The following DLGAP1 variants were observed in gnomAD, a reference collection of about 807,000 sequenced individuals.
The protein encoded by DLGAP1 is DLG associated protein 1.
A neutral mutation model predicts 90.8 loss-of-function variants in DLGAP1; 11 were observed. The observed-to-expected ratio is 0.12, with a 90% CI of 0.08 to 0.20. DLGAP1 has a LOEUF of 0.20. Ranked by LOEUF, DLGAP1 falls within the 10% of genes least tolerant of loss-of-function variation. DLGAP1 has a pLI of 1.00. For synonymous variants in DLGAP1, 558 were observed against 540.7 expected (o/e 1.03, Z -0.44); for missense variants, 1,050 against 1,333.8 (o/e 0.79, Z 3.31).
intron 3 of DLGAP1, 61 bp from the exon 4 acceptor site, chr18:3,880,201 C>G (rs980046829): frequency 2.5e-6 from 2 of 805,816 alleles, no homozygotes; most frequent in Middle Eastern, 3.6e-4. Flanking sequence ...AGGTATTGCA[C>G]TTTACAGGGT....
chr18:4,393,796 A>C (rs982042472), intron 1 of DLGAP1, among the ~76,000 whole-genome samples: 1 of 152,194 alleles, frequency 6.6e-6, no homozygotes, highest in Non-Finnish European at 1.5e-5. Flanking sequence ...TTCTGGGATG[A>C]AACTGTTCCA....
At chr18:3,863,781 G>A (rs9807545) in intron 4 of DLGAP1, among the ~76,000 whole-genome samples, 123,478 of 152,168 alleles carry the variant, frequency 0.81, 51,843 homozygotes, top group East Asian at 0.95. Flanking sequence ...GGCTGGGCTC[G>A]GGAGCCTGCA....
At chr18:4,072,707 T>C (rs2075467613) in intron 2 of DLGAP1, among the ~76,000 whole-genome samples, 2 of 152,158 alleles carry the variant, frequency 1.3e-5, no homozygotes, top group Admixed American at 1.3e-4. Flanking sequence ...TGACCTCAAG[T>C]GATCCACCCA....
At chr18:3,538,760 G>A (rs796526171) in intron 9 of DLGAP1, among the ~76,000 whole-genome samples, 2 of 152,284 alleles carry the variant, frequency 1.3e-5, no homozygotes, top group African/African-American at 4.8e-5. Context: ...GTCCCTCATT[G>A]TTTTCAATCA....
chr18:3,688,200 C>T (rs1598354588), intron 7 of DLGAP1, among the ~76,000 whole-genome samples: 2 of 151,996 alleles, frequency 1.3e-5, no homozygotes, highest in South Asian at 2.1e-4. Context: ...TGTGAGCCAC[C>T]GCACCCGGCC....
intron 1 of DLGAP1, among the ~76,000 whole-genome samples, chr18:4,352,925 C>T (rs2081431235): frequency 6.6e-6 from 1 of 152,112 alleles, no homozygotes. Context: ...CTGGAGCCCT[C>T]GGTGAGTATG....
At chr18:4,174,474 A>G (rs1407399403) in intron 1 of DLGAP1, among the ~76,000 whole-genome samples, 1 of 151,936 alleles carries the variant, frequency 6.6e-6, no homozygotes, top group Admixed American at 6.6e-5. Flanking sequence ...AGCTGGGATT[A>G]CAGGCGCCCA....
intron 3 of DLGAP1, among the ~76,000 whole-genome samples, chr18:3,992,241 G>C (rs1026316717): frequency 2.0e-5 from 3 of 152,170 alleles, no homozygotes; most frequent in Admixed American, 6.5e-5. Flanking sequence ...CCTTGGCCAG[G>C]CCACTACTTT....
chr18:4,412,033 G>A (rs1439259180), intron 1 of DLGAP1, among the ~76,000 whole-genome samples: 1 of 152,098 alleles, frequency 6.6e-6, no homozygotes, highest in African/African-American at 2.4e-5. Flanking sequence ...AGGGAAGGAC[G>A]TCCTTATCTT....
At chr18:3,830,958 T>C (rs2067999561) in intron 4 of DLGAP1, among the ~76,000 whole-genome samples, 1 of 152,208 alleles carries the variant, frequency 6.6e-6, no homozygotes, top group Non-Finnish European at 1.5e-5. Flanking sequence ...TTTATTCAAC[T>C]GAGAAATAAA....
intron 3 of DLGAP1, among the ~76,000 whole-genome samples, chr18:3,949,895 CATG>C (rs994998046): frequency 2.6e-5 from 4 of 152,176 alleles, no homozygotes; most frequent in South Asian, 2.1e-4. Context: ...TTTTAGTCCA[CATG>C]ATATTTTGTT....
At chr18:4,071,202 T>C (rs946960414) in intron 2 of DLGAP1, among the ~76,000 whole-genome samples, 1 of 150,832 alleles carries the variant, frequency 6.6e-6, no homozygotes, top group Non-Finnish European at 1.5e-5. Context: ...TGGGAAAATA[T>C]AAATTTAAAA....
At chr18:4,381,985 T>C (rs1399203326) in intron 1 of DLGAP1, among the ~76,000 whole-genome samples, 1 of 152,100 alleles carries the variant, frequency 6.6e-6, no homozygotes, top group African/African-American at 2.4e-5. Context: ...AAACTTCTTA[T>C]AAAACCGTGA....
At chr18:3,971,489 G>A (rs1191368670) in intron 3 of DLGAP1, among the ~76,000 whole-genome samples, 2 of 152,108 alleles carry the variant, frequency 1.3e-5, no homozygotes, top group African/African-American at 2.4e-5. Flanking sequence ...CCTGAAACAT[G>A]TTTTGTAAAT....
At chr18:4,291,026 G>A (rs1351237419) in intron 1 of DLGAP1, among the ~76,000 whole-genome samples, 1 of 152,090 alleles carries the variant, frequency 6.6e-6, no homozygotes, top group Non-Finnish European at 1.5e-5. Flanking sequence ...AGTAAGGGGA[G>A]GAATAGGAAG....
chr18:3,509,246 A>G (rs563794002), intron 10 of DLGAP1, among the ~76,000 whole-genome samples: 17 of 152,226 alleles, frequency 1.1e-4, no homozygotes, highest in African/African-American at 3.9e-4. Flanking sequence ...TTTTCTAAGG[A>G]GCGAACATGT....
At chr18:3,936,559 A>G (rs1250811134) in intron 3 of DLGAP1, among the ~76,000 whole-genome samples, 1 of 152,236 alleles carries the variant, frequency 6.6e-6, no homozygotes, top group Non-Finnish European at 1.5e-5. Flanking sequence ...ATTTCCCAAC[A>G]ACACTGTATT....
chr18:3,696,291 G>A (rs2147077122), intron 7 of DLGAP1, among the ~76,000 whole-genome samples: 1 of 152,288 alleles, frequency 6.6e-6, no homozygotes, highest in African/African-American at 2.4e-5. Flanking sequence ...CAAAGGGAAT[G>A]CCTCCAGCTT....
intron 7 of DLGAP1, among the ~76,000 whole-genome samples, chr18:3,702,521 C>T (rs1335933178): frequency 6.6e-6 from 1 of 152,200 alleles, no homozygotes; most frequent in Non-Finnish European, 1.5e-5. Context: ...GGGTTGTGGA[C>T]TTCCTGCATG....
Sources: gnomAD v4.1 joint callset for allele counts (sites outside exome capture counted in the v4.1 genomes callset) on GRCh38, gnomAD v4.1.1 for gene constraint, MANE v1.5 for transcripts, NCBI Gene and HGNC (gene_info 2026-07-23, HGNC 2026-07-21) for gene names.